Variants in LSM14B observed in about 807,000 individuals in gnomAD.
LSM14B encodes the protein protein LSM14 homolog B.
In LSM14B, 8 loss-of-function variants were observed where a neutral mutation model predicts 42.1. The ratio of observed to expected loss-of-function variants is 0.19; its 90% CI spans 0.11 to 0.34. The LOEUF is 0.34. Among genes scored for constraint, LSM14B ranks in the 10% least tolerant of loss-of-function variants. The probability of loss-of-function intolerance (pLI) is 1.00; values close to 1 mark genes in which losing one functional copy is unlikely to be tolerated. For missense variants in LSM14B, 396 were observed against 513.1 expected (o/e 0.77, Z 2.21); for synonymous variants, 219 against 209.7 (o/e 1.04, Z -0.38).
Position 62,134,403 on chromosome 20 carries a change from T to C in LSM14B, c.*255T>C, listed in dbSNP as rs1051384411. 1.3e-5 allele frequency: 6 copies of C among 447,456 alleles called. No individual in the cohort carries two copies. The highest frequency in any genetic ancestry group is 2.3e-5 in the Non-Finnish European group (5 of 217,050). 27.7% of individuals were successfully genotyped at this position (447,456 alleles called of 1,614,324 possible). A position where few individuals can be genotyped will look rare whatever the true frequency, so the allele number is the denominator to read the frequency against. ...TCTGTGTTTCCTTTTTAGTTGCGCATAGCCTAATTCTAAGGTTTTGGTATT... is the reference window on the plus strand; with the variant it reads ...TCTGTGTTTCCTTTTTAGTTGCGCACAGCCTAATTCTAAGGTTTTGGTATT... On this transcript the variant is annotated 3_prime_UTR_variant, in exon 9 of 9. Coordinates refer to ENST00000279068, the MANE Select transcript of LSM14B (RefSeq NM_144703.3).
chr20:62,133,625 G>C, intron 8 of LSM14B, 150 bp downstream of exon 8: 1 of 882,164 alleles, frequency 1.1e-6, no homozygotes, highest in Non-Finnish European at 1.6e-6. Flanking sequence ...TCGACCCTAT[G>C]AGTCACCCGG....
chr20:62,126,012 G>A (rs550079265), intron 2 of LSM14B, among the ~76,000 whole-genome samples: 1 of 152,268 alleles, frequency 6.6e-6, no homozygotes, highest in African/African-American at 2.4e-5. Context: ...AGTGAGCTGA[G>A]ATCACGCCAT....
intron 2 of LSM14B, among the ~76,000 whole-genome samples, chr20:62,125,757 T>C (rs972002372): frequency 6.6e-6 from 1 of 152,180 alleles, no homozygotes; most frequent in African/African-American, 2.4e-5. Context: ...CCGATGGCTT[T>C]GAGTTAGGAG....
chr20:62,125,868 T>C (rs1463379083), intron 2 of LSM14B, among the ~76,000 whole-genome samples: 1 of 152,148 alleles, frequency 6.6e-6, no homozygotes, highest in African/African-American at 2.4e-5. Flanking sequence ...AAGACCAGCT[T>C]GGCCAACATA....
At chr20:62,131,201 TTAGAAGG>T (rs2056756260) in intron 6 of LSM14B, among the ~76,000 whole-genome samples, 148 bp from the exon 7 acceptor site, 1 of 152,160 alleles carries the variant, frequency 6.6e-6, no homozygotes, top group African/African-American at 2.4e-5. Flanking sequence ...AGACCTGTAC[TTAGAAGG>T]TAGAAGAAGA....
At chr20:62,123,995 C>T (rs1214586061) in intron 1 of LSM14B, among the ~76,000 whole-genome samples, 3 of 152,188 alleles carry the variant, frequency 2.0e-5, no homozygotes, top group African/African-American at 7.2e-5. Context: ...CACCTCTGCC[C>T]CTAGAGGCTT....
At chr20:62,133,209 C>G in intron 7 of LSM14B, 81 bp from the exon 8 acceptor site, 1 of 1,547,404 alleles carries the variant, frequency 6.5e-7, no homozygotes, top group Non-Finnish European at 8.8e-7. Context: ...CCCTCCTTCC[C>G]TGGGCCGCTC....
intron 1 of LSM14B, chr20:62,123,129 A>C (rs1240855690): frequency 1.3e-5 from 2 of 155,244 alleles, no homozygotes; most frequent in African/African-American, 2.4e-5. Context: ...CGCCCAGCCC[A>C]CCTCTGCAGG....
intron 1 of LSM14B, chr20:62,123,067 G>T (rs1471339905): frequency 5.6e-6 from 1 of 178,596 alleles, no homozygotes; most frequent in Non-Finnish European, 1.2e-5. Context: ...GCGGGCGCCC[G>T]GCGGTGTTTG....
In LSM14B at chr20:62,131,392, C is replaced by T; in HGVS notation, c.872C>T (p.Ala291Val). ...GAGAAGGGGGAAGAGAAGGACCTGGCTGTGGTGACCCAGAGTGCCGAAGCG... is the reference window on the plus strand; with the variant it reads ...GAGAAGGGGGAAGAGAAGGACCTGGTTGTGGTGACCCAGAGTGCCGAAGCG... The part of the protein sequence containing the change: ...KAEKGEEKDL[A>V]VVTQSAEAPA... Residue 291 changes from alanine to valine, a missense_variant, in exon 7 of 9, where the codon GCT becomes GTT. Physicochemically the swap from Ala to Val is moderately conservative, Grantham distance 64. Around this residue, in one of 3 missense-constraint regions of LSM14B, gnomAD observed 118 missense variants for 156.4 expected, o/e 0.75. Transcript: ENST00000279068. 6.2e-7 allele frequency: 1 copy of T among 1,610,914 alleles called. No individual in the cohort carries two copies.
chr20:62,125,498 C>T (rs4538273), intron 2 of LSM14B, among the ~76,000 whole-genome samples: 96,391 of 152,232 alleles, frequency 0.63, 35,023 homozygotes, highest in Non-Finnish European at 0.8. Flanking sequence ...CCTCGGGTTA[C>T]GCCCAGTCGT....
chr20:62,131,359 A>C lies in LSM14B; in HGVS notation c.839A>C (p.Asp280Ala). 6.3e-7 allele frequency: 1 copy of C among 1,593,362 alleles called. No individual in the cohort carries two copies. The highest frequency in any genetic ancestry group is 8.5e-7 in the Non-Finnish European group (1 of 1,169,668). Residue 280 changes from aspartate (D) to alanine (A), a missense_variant, in exon 7 of 9, where the codon GAC becomes GCC. By Grantham distance (126) the Asp-to-Ala change is moderately radical. Around this residue, in one of 3 missense-constraint regions of LSM14B, gnomAD observed 118 missense variants for 156.4 expected, o/e 0.75. Coordinates refer to ENST00000279068, the MANE Select transcript of LSM14B (RefSeq NM_144703.3). Reference protein sequence around the residue: ...EFKKKLNFKDDKAEKGEEKDL... With the variant: ...EFKKKLNFKDAKAEKGEEKDL... ...CGTGTTCTGCTTCTTTTTGTAGATG[A>C]CAAGGCTGAGAAGGGGGAAGAGAAG...
rs780681716 is a variant in LSM14B at position 62,126,411 on chromosome 20, C to T, written c.399C>T (p.Ser133=). Residue 133 remains serine (S), a synonymous_variant, in exon 3 of 9, where the codon AGC becomes AGT. Coordinates refer to ENST00000279068, the MANE Select transcript of LSM14B (RefSeq NM_144703.3). ...YGPLAASSLL[S]QQYAASLGLG... is the part of the protein sequence containing the mutation. The stretch of plus-strand genomic sequence containing the variant: ...CGCTGGCGGCCAGCTCCCTGCTCAG[C>T]CAGCAGTATGCCGCCTCCCTGGGTC... The T allele has an allele frequency of 2.5e-6, 4 of 1,610,634 alleles. No individual in the cohort carries two copies. Among genetic ancestry groups the T allele is most frequent in the Admixed American group, 3.3e-5 (2 of 59,962 alleles).
chr20:62,123,533 A>T (rs1395546193), intron 1 of LSM14B: 1 of 152,226 alleles, frequency 6.6e-6, no homozygotes, highest in Non-Finnish European at 1.5e-5. Context: ...GGCTCTTTAG[A>T]GTCAGAATCT....
In LSM14B at chr20:62,134,229, C is replaced by G; in HGVS notation, c.*81C>G. 2 of 471,638 alleles carry G rather than the reference C, an allele frequency of 4.2e-6. No homozygotes were observed. Among genetic ancestry groups the G allele is most frequent in the South Asian group, 1.6e-5 (1 of 64,508 alleles). 29.2% of individuals were successfully genotyped at this position (471,638 alleles called of 1,614,324 possible). A position where few individuals can be genotyped will look rare whatever the true frequency, so the allele number is the denominator to read the frequency against. On this transcript the variant is annotated 3_prime_UTR_variant, in exon 9 of 9. Transcript: ENST00000279068. ...GGACGCGAGGAAAACGCTGCACTTA[C>G]AGGGAGAGGTGGTCACTTTGTTTAC...
At position 62,126,346 on chromosome 20, in the gene LSM14B, G is replaced by C; in HGVS notation, c.334G>C (p.Val112Leu). The change falls in exon 3 of 9, where the codon GTG becomes CTG. Residue 112 changes from valine (V) to leucine (L), a missense_variant. Val to Leu is a conservative substitution (Grantham distance 32). Around this residue, in one of 3 missense-constraint regions of LSM14B, gnomAD observed 274 missense variants for 335.8 expected, o/e 0.82. Transcript: ENST00000279068. The stretch of plus-strand genomic sequence containing the variant: ...CTCCGCCTCGCCCTTCCAGCCGCAC[G>C]TGCCTTACAGCCCTTTCCGAGGGAT... ...SASASPFQPHVPYSPFRGMAP... is the reference protein window; with the variant it reads ...SASASPFQPHLPYSPFRGMAP... 1 of 1,613,688 alleles carries C rather than the reference G, an allele frequency of 6.2e-7. No individual in the cohort carries two copies. The highest frequency in any genetic ancestry group is 8.5e-7 in the Non-Finnish European group (1 of 1,179,900).
chr20:62,132,255 G>A (rs1470305067), intron 7 of LSM14B, among the ~76,000 whole-genome samples: 2 of 152,258 alleles, frequency 1.3e-5, no homozygotes, highest in African/African-American at 2.4e-5. Context: ...AGCAGGCTGC[G>A]CAGATGAGTG....
chr20:62,131,078 C>T (rs1027690825), intron 6 of LSM14B, among the ~76,000 whole-genome samples: 9 of 152,070 alleles, frequency 5.9e-5, no homozygotes, highest in African/African-American at 1.9e-4. Flanking sequence ...CTAGAGGAAC[C>T]GGGGATGCCA....
chr20:62,122,789 CA>C lies in LSM14B; in HGVS notation c.126del (p.Val43Ter). ...CCGACAACTCCACCGTGGCGCTCGC[CA>C]AAGGTAGCGGCCGCCGCCCGCCCGA... The part of the protein sequence containing the change: ...DTDNSTVALA[K>X]VRSFGTEDRP... On this transcript the variant is annotated frameshift_variant, in exon 1 of 9. Coordinates refer to ENST00000279068, the MANE Select transcript of LSM14B (RefSeq NM_144703.3). LOFTEE classifies it high-confidence loss of function. This position sits in a 1 kb window ranked among gnomAD's most constrained non-coding sequence, Gnocchi z 4.6. 1 of 1,500,174 alleles carries C rather than the reference CA, an allele frequency of 6.7e-7. No homozygotes were observed. The highest frequency in any genetic ancestry group is 1.2e-5 in the South Asian group (1 of 82,500). The allele number at this position is 1,500,174 out of a possible 1,614,324, so 92.9% of individuals were successfully genotyped here.
Sources: allele counts gnomAD v4.1 joint callset (sites outside exome capture counted in the v4.1 genomes callset), GRCh38; gene constraint gnomAD v4.1.1; regional missense constraint gnomAD v4.1.1; non-coding constraint Gnocchi (gnomAD v3.1); transcripts MANE v1.5; gene names NCBI Gene and HGNC (gene_info 2026-07-23, HGNC 2026-07-21).